The following PTPRA variants were observed in gnomAD, a reference collection of about 807,000 sequenced individuals.
PTPRA encodes the protein receptor-type tyrosine-protein phosphatase alpha.
PTPRA carries 25 observed loss-of-function variants against 104.8 expected under a neutral mutation model. The ratio of observed to expected loss-of-function variants is 0.24; its 90% CI spans 0.17 to 0.33. The LOEUF (loss-of-function observed/expected upper bound fraction) is 0.33. Ranked by LOEUF, PTPRA falls within the 10% of genes least tolerant of loss-of-function variation. The pLI is 1.00. For synonymous variants in PTPRA, 323 were observed against 368.9 expected (o/e 0.88, Z 1.43); for missense variants, 765 against 1,015.3 (o/e 0.75, Z 3.35).
rs114369832 is a variant in PTPRA at position 3,022,262 on chromosome 20, G to A, written c.1328+42G>A. On this transcript the variant is annotated intron_variant, in intron 15 of 23. Coordinates refer to ENST00000399903, the MANE Select transcript of PTPRA (RefSeq NM_001385305.1). This position sits in a 1 kb window ranked among gnomAD's most constrained non-coding sequence, Gnocchi z 4.6. ...CCTTGTACCCCCACCCCCACATTTCGCCCCCATGGCCAGAGCAGGGGAACA... is the reference window on the plus strand; with the variant it reads ...CCTTGTACCCCCACCCCCACATTTCACCCCCATGGCCAGAGCAGGGGAACA... The A allele has an allele frequency of 4.9e-4, 790 of 1,601,040 alleles. 6 individuals carry two copies. The African/African-American group carries it at 8.9e-3, about 18-fold the overall frequency.
At chr20:3,027,940 T>C in intron 20 of PTPRA, 99 bp downstream of exon 20, 4 of 1,508,812 alleles carry the variant, frequency 2.7e-6, no homozygotes, top group Non-Finnish European at 2.7e-6. Context: ...GTTTGGACCT[T>C]GTCTTTGACT....
chr20:3,026,304 A>G (rs1416768524), intron 17 of PTPRA, among the ~76,000 whole-genome samples: 1 of 152,186 alleles, frequency 6.6e-6, no homozygotes, highest in Non-Finnish European at 1.5e-5. Flanking sequence ...TTGAGTAGCA[A>G]ATGTCAAGAA....
chr20:2,895,521 A>G (rs971576150), intron 1 of PTPRA, among the ~76,000 whole-genome samples: 1 of 150,854 alleles, frequency 6.6e-6, no homozygotes, highest in African/African-American at 2.4e-5. Context: ...ATTTTATTTT[A>G]TTTTATTTTT....
intron 19 of PTPRA, among the ~76,000 whole-genome samples, 170 bp from the exon 20 acceptor site, chr20:3,027,537 C>G (rs1376302727): frequency 6.6e-6 from 1 of 152,210 alleles, no homozygotes; most frequent in East Asian, 1.9e-4. Context: ...CTGTCTCTTA[C>G]AGAAAGCAAC....
At chr20:2,962,423 G>A (rs1371165186) in intron 3 of PTPRA, among the ~76,000 whole-genome samples, 1 of 151,956 alleles carries the variant, frequency 6.6e-6, no homozygotes, top group Non-Finnish European at 1.5e-5. Flanking sequence ...AATTTATTTT[G>A]GTATATGGAA....
chr20:2,994,461 A>G (rs1351587701), intron 9 of PTPRA, among the ~76,000 whole-genome samples: 1 of 152,220 alleles, frequency 6.6e-6, no homozygotes, highest in Non-Finnish European at 1.5e-5. Context: ...TAGCCCACTT[A>G]GATCAGGAAT....
chr20:2,867,523 C>T, the PTPRA span, among the ~76,000 whole-genome samples: 2 of 149,132 alleles, frequency 1.3e-5, no homozygotes, highest in Non-Finnish European at 3.0e-5. Flanking sequence ...TCTAGCCCTC[C>T]GTTGGCACTC....
chr20:2,878,218 G>C (rs1260705322), intron 1 of PTPRA, among the ~76,000 whole-genome samples: 4 of 151,720 alleles, frequency 2.6e-5, no homozygotes, highest in East Asian at 3.9e-4. Context: ...TTTTAAATTT[G>C]TTTTTGTTTT....
chr20:2,868,754 T>C (rs1179047914), upstream of PTPRA, among the ~76,000 whole-genome samples: 1 of 148,154 alleles, frequency 6.7e-6, no homozygotes, highest in African/African-American at 2.5e-5. Flanking sequence ...AGGATTGCTA[T>C]CAAACAACCC....
At chr20:3,032,996 A>T (rs2065581476) in intron 20 of PTPRA, among the ~76,000 whole-genome samples, 1 of 150,672 alleles carries the variant, frequency 6.6e-6, no homozygotes, top group Non-Finnish European at 1.5e-5. Flanking sequence ...CCGTAGCATC[A>T]CCCCACTCAC....
chr20:2,928,167 G>C (rs886565891), intron 2 of PTPRA, among the ~76,000 whole-genome samples: 1 of 151,966 alleles, frequency 6.6e-6, no homozygotes, highest in Non-Finnish European at 1.5e-5. Context: ...ACGGAGTCTC[G>C]CTCTGTTGCC....
At chr20:2,904,324 G>A (rs2059339154) in intron 1 of PTPRA, among the ~76,000 whole-genome samples, 1 of 152,000 alleles carries the variant, frequency 6.6e-6, no homozygotes, top group South Asian at 2.1e-4. Flanking sequence ...CGAGAAATAG[G>A]CAAGACTAAT....
intron 20 of PTPRA, among the ~76,000 whole-genome samples, chr20:3,028,883 G>A (rs6051538): frequency 0.077 from 11,728 of 152,222 alleles, 1,327 homozygotes; most frequent in African/African-American, 0.25. Context: ...CAGTAATGCT[G>A]GTGGCCTGGA....
At chr20:3,024,670 C>T (rs753636172) in intron 17 of PTPRA, 49 bp downstream of exon 17, 4 of 1,604,142 alleles carry the variant, frequency 2.5e-6, no homozygotes, top group Non-Finnish European at 3.4e-6. Flanking sequence ...TCCTTGTAAT[C>T]TGGGGAACAT....
At chr20:2,906,297 G>A (rs1010113260) in intron 1 of PTPRA, among the ~76,000 whole-genome samples, 15 of 152,128 alleles carry the variant, frequency 9.9e-5, no homozygotes, top group Admixed American at 9.8e-4. Context: ...CATGTAACCA[G>A]TCAGCCCTGA....
Position 2,915,047 on chromosome 20 carries a change from T to C in PTPRA, c.-128-8160T>C, listed in dbSNP as rs1464461706. ...AGCATGTGTTTTCAAGTTCCATCCA[T>C]GTTTATAGCATGTATCAGTACTTCA... On this transcript the variant is annotated intron_variant, in intron 1 of 23. Transcript: ENST00000399903. Among the ~76,000 whole-genome samples the C allele has an allele frequency of 2.6e-5, 4 of 152,190 alleles. No homozygotes were observed. The East Asian group carries it at 7.7e-4, about 29-fold the overall frequency.
At chr20:2,960,249 ATT>A (rs556503635) in intron 3 of PTPRA, among the ~76,000 whole-genome samples, 13 of 134,266 alleles carry the variant, frequency 9.7e-5, no homozygotes, top group Non-Finnish European at 9.7e-5. Flanking sequence ...ACAACCACTG[ATT>A]TTTTTTTTTT....
intron 1 of PTPRA, among the ~76,000 whole-genome samples, chr20:2,894,779 G>A (rs2058931119): frequency 6.6e-6 from 1 of 152,068 alleles, no homozygotes; most frequent in African/African-American, 2.4e-5. Flanking sequence ...GAGGTCAGGA[G>A]ATCAAGACCA....
upstream of PTPRA, among the ~76,000 whole-genome samples, chr20:2,869,106 A>G (rs1051285024): frequency 2.0e-5 from 3 of 152,216 alleles, no homozygotes; most frequent in Non-Finnish European, 2.9e-5. Flanking sequence ...ACTTTCAAAC[A>G]TACAGCCAGG....
Sources: gnomAD v4.1 joint callset for allele counts (sites outside exome capture counted in the v4.1 genomes callset) on GRCh38, gnomAD v4.1.1 for gene constraint, Gnocchi (gnomAD v3.1) non-coding constraint, MANE v1.5 for transcripts, NCBI Gene and HGNC (gene_info 2026-07-23, HGNC 2026-07-21) for gene names.